The following LRRIQ1 variants were observed in gnomAD, a reference collection of about 807,000 sequenced individuals.
The protein encoded by LRRIQ1 is leucine rich repeats and IQ motif containing 1, also known as leucine-rich repeat- and IQ domain-containing protein 1.
In LRRIQ1, 210 loss-of-function variants were observed where a neutral mutation model predicts 211.9. The ratio of observed to expected loss-of-function variants is 0.99; its 90% confidence interval spans 0.89 to 1.11. LRRIQ1 has a LOEUF of 1.11. LRRIQ1 is among the 50% of genes most tolerant of loss of function. The pLI is 0.00. For synonymous variants in LRRIQ1, 699 were observed against 650.1 expected (o/e 1.08, Z -1.14); for missense variants, 2,136 against 1,939.5 (o/e 1.10, Z -1.90).
At chr12:85,083,869 G>C (rs999559100) in intron 11 of LRRIQ1, among the ~76,000 whole-genome samples, 1 of 152,110 alleles carries the variant, frequency 6.6e-6, no homozygotes, top group African/African-American at 2.4e-5. Context: ...ATTGTTTTCT[G>C]TGCATTTGGA....
Position 85,040,897 on chromosome 12 carries a change from A to AG in LRRIQ1, c.244+296_244+297insG, listed in dbSNP as rs1341293743. Among the ~76,000 whole-genome samples the AG allele has an allele frequency of 2.6e-5, 4 of 151,640 alleles. No individual in the cohort carries two copies. The East Asian group carries it at 7.7e-4, about 29-fold the overall frequency. On this transcript the variant is annotated intron_variant, in intron 3 of 26. Coordinates refer to ENST00000393217, the MANE Select transcript of LRRIQ1 (RefSeq NM_001079910.2). Reference sequence around the variant, plus strand: ...AAAGAAAATAAAACTAATCAAGAGAATTTTTTTGGCAGTATCAGTATATAC... The same window carrying AG: ...AAAGAAAATAAAACTAATCAAGAGAAGTTTTTTTGGCAGTATCAGTATATAC...
chr12:85,066,692 A>G (rs953451602), intron 9 of LRRIQ1, 56 bp from the exon 10 acceptor site: 4 of 1,383,826 alleles, frequency 2.9e-6, no homozygotes, highest in African/African-American at 1.5e-5. Flanking sequence ...AAAGCTTTAA[A>G]TAGTTCATTA....
intron 15 of LRRIQ1, among the ~76,000 whole-genome samples, chr12:85,117,138 G>A (rs985513695): frequency 6.6e-5 from 10 of 152,178 alleles, no homozygotes; most frequent in Non-Finnish European, 2.9e-5. Flanking sequence ...TAAGGATCTA[G>A]CCTTGAATTT....
rs1056925283 is a variant in LRRIQ1 at position 85,126,788 on chromosome 12, G to A, written c.4008-1044G>A. Among the ~76,000 whole-genome samples the A allele has an allele frequency of 5.3e-5, 8 of 151,842 alleles. No individual in the cohort carries two copies. In the South Asian group the frequency reaches 1.0e-3, roughly 20 times the overall value. On this transcript the variant is annotated intron_variant, in intron 17 of 26. Transcript: ENST00000393217. ...TAAGCCAAAACAACAATAGAAAATGGCTTCATAATTCCTTTCTAATTTCCC... is the reference window on the plus strand; with the variant it reads ...TAAGCCAAAACAACAATAGAAAATGACTTCATAATTCCTTTCTAATTTCCC...
chr12:85,201,908 C>G (rs1460039195), intron 24 of LRRIQ1, among the ~76,000 whole-genome samples: 1 of 151,982 alleles, frequency 6.6e-6, no homozygotes, highest in Non-Finnish European at 1.5e-5. Context: ...GTTTTTCTTA[C>G]TTTTTGATGT....
chr12:85,204,178 A>G (rs1393403708), intron 24 of LRRIQ1, among the ~76,000 whole-genome samples: 1 of 152,184 alleles, frequency 6.6e-6, no homozygotes, highest in Non-Finnish European at 1.5e-5. Context: ...GGCAGCTTCC[A>G]CATGGTGTTG....
rs1021682329 is a variant in LRRIQ1, at chr12:85,257,950, G to T, written c.122-4965G>T. On this transcript the variant is annotated intron_variant, in intron 1 of 1. Transcript: ENST00000602731. ...CACTGGTATGTTAAAAATAAAACCT[G>T]GGAAAACAGTGCATATTATAAGGCA... 4.0e-5 allele frequency among the ~76,000 whole-genome samples: 6 copies of T among 151,484 alleles called. No individual in the cohort carries two copies. In the Admixed American group the frequency reaches 4.0e-4, roughly 10 times the overall value.
intron 24 of LRRIQ1, among the ~76,000 whole-genome samples, chr12:85,211,855 C>A (rs978700213): frequency 2.0e-5 from 3 of 152,174 alleles, no homozygotes; most frequent in Non-Finnish European, 4.4e-5. Context: ...GAGAATCACA[C>A]TGGAAACCAA....
chr12:85,244,848 T>C lies in LRRIQ1; in HGVS notation c.5076T>C (p.Ser1692=). 6.2e-7 allele frequency: 1 copy of C among 1,608,490 alleles called. No individual in the cohort carries two copies. The highest frequency in any genetic ancestry group is 8.5e-7 in the Non-Finnish European group (1 of 1,176,842). Residue 1692 remains serine (S), a synonymous_variant, in exon 27 of 27, where the codon AGT becomes AGC. Coordinates refer to ENST00000393217, the MANE Select transcript of LRRIQ1 (RefSeq NM_001079910.2). Reference sequence around the variant, plus strand: ...ACCTTTTTTCCATGACCAATGGAAGTGCTTTGTCTGTGAACAGAGAAAAAA... The same window carrying C: ...ACCTTTTTTCCATGACCAATGGAAGCGCTTTGTCTGTGAACAGAGAAAAAA... ...DLDLFSMTNG[S]ALSVNREKKN... is the part of the protein sequence containing the mutation.
intron 1 of LRRIQ1, 79 bp downstream of exon 1, chr12:85,036,486 C>G (rs1878087021): frequency 6.6e-6 from 1 of 152,284 alleles, no homozygotes; most frequent in Non-Finnish European, 1.5e-5. Flanking sequence ...CCGGGACTCT[C>G]TCTGCCTGGC....
intron 1 of LRRIQ1, among the ~76,000 whole-genome samples, chr12:85,250,953 T>TATTATAG (rs1895920003): frequency 1.1e-5 from 1 of 92,256 alleles, no homozygotes; most frequent in African/African-American, 4.3e-5. Flanking sequence ...ATATTTTATA[T>TATTATAG]ATTATATATT....
chr12:85,173,947 G>A (rs891907169), intron 24 of LRRIQ1, among the ~76,000 whole-genome samples: 2 of 151,928 alleles, frequency 1.3e-5, no homozygotes, highest in African/African-American at 2.4e-5. Context: ...CTGATATCAG[G>A]TATTACAATA....
At chr12:85,208,888 A>G (rs1056186266) in intron 24 of LRRIQ1, among the ~76,000 whole-genome samples, 2 of 152,166 alleles carry the variant, frequency 1.3e-5, no homozygotes, top group African/African-American at 2.4e-5. Flanking sequence ...GCAATTTTCT[A>G]TAGAGACTTA....
intron 13 of LRRIQ1, among the ~76,000 whole-genome samples, chr12:85,101,518 C>G (rs1886345514): frequency 6.6e-6 from 1 of 151,778 alleles, no homozygotes; most frequent in Non-Finnish European, 1.5e-5. Context: ...ATGCCCAGGG[C>G]TAATGTGACA....
chr12:85,122,780 G>T (rs1415688822), intron 16 of LRRIQ1, among the ~76,000 whole-genome samples: 12 of 151,896 alleles, frequency 7.9e-5, no homozygotes, highest in Middle Eastern at 3.2e-3. Flanking sequence ...AATGTTTAAT[G>T]TAACAAATAC....
intron 15 of LRRIQ1, among the ~76,000 whole-genome samples, chr12:85,120,996 C>G (rs996087128): frequency 6.6e-6 from 1 of 151,684 alleles, no homozygotes; most frequent in African/African-American, 2.4e-5. Flanking sequence ...TGAGATGGAG[C>G]CTCGCTCTGT....
chr12:85,252,172 C>T (rs1895964362), intron 1 of LRRIQ1, among the ~76,000 whole-genome samples: 2 of 151,534 alleles, frequency 1.3e-5, no homozygotes, highest in South Asian at 4.2e-4. Context: ...ATATTAAAGC[C>T]CACAACCTCT....
chr12:85,245,195 T>A, downstream of LRRIQ1: 1 of 399,344 alleles, frequency 2.5e-6, no homozygotes, highest in Non-Finnish European at 4.0e-6. Flanking sequence ...TTTGATCATT[T>A]AATTCTAAAA....
intron 19 of LRRIQ1, among the ~76,000 whole-genome samples, chr12:85,145,047 T>C (rs976544457): frequency 1.3e-5 from 2 of 151,576 alleles, no homozygotes; most frequent in African/African-American, 4.8e-5. Flanking sequence ...AAAAAATAGT[T>C]GCCTTTAGGA....
Sources: allele counts gnomAD v4.1 joint callset (sites outside exome capture counted in the v4.1 genomes callset), GRCh38; gene constraint gnomAD v4.1.1; transcripts MANE v1.5; gene names NCBI Gene and HGNC (gene_info 2026-07-23, HGNC 2026-07-21).